TMEM178B: variants seen among roughly 807,000 people sequenced by gnomAD.
The protein encoded by TMEM178B is transmembrane protein 178B.
Under a neutral mutation model 31.0 loss-of-function variants are expected in TMEM178B, and 5 were observed. That is an observed-to-expected ratio of 0.16 (90% CI 0.08 to 0.34). The LOEUF (loss-of-function observed/expected upper bound fraction) is 0.34, where lower values mean the gene tolerates loss of function less well. Among genes scored for constraint, TMEM178B ranks in the 10% least tolerant of loss-of-function variants. TMEM178B has a pLI of 1.00. For missense variants in TMEM178B, 275 were observed against 400.3 expected (o/e 0.69, Z 2.67); for synonymous variants, 164 against 164.0 (o/e 1.00, Z 0.00).
chr7:141,498,621 T>A, the TMEM178B span, among the ~76,000 whole-genome samples: 1 of 152,230 alleles, frequency 6.6e-6, no homozygotes, highest in East Asian at 1.9e-4. Context: ...GTGGCTGTGT[T>A]TGATAGTTAA....
intron 3 of TMEM178B, among the ~76,000 whole-genome samples, chr7:141,441,474 G>T (rs191156760): frequency 1.3e-5 from 2 of 152,272 alleles, no homozygotes; most frequent in Admixed American, 1.3e-4. Flanking sequence ...TTTCACCCAG[G>T]CTCAGGTTGC....
chr7:141,363,144 T>C (rs1799945918), intron 2 of TMEM178B, among the ~76,000 whole-genome samples: 1 of 152,188 alleles, frequency 6.6e-6, no homozygotes, highest in Admixed American at 6.5e-5. Context: ...AGCTCATTAA[T>C]GCTTGGAAAA....
chr7:141,154,231 G>A (rs992036845), intron 1 of TMEM178B, among the ~76,000 whole-genome samples: 3 of 152,244 alleles, frequency 2.0e-5, no homozygotes, highest in African/African-American at 7.2e-5. Flanking sequence ...AGAATTTGAA[G>A]GCTTGGGCCA....
At chr7:141,290,552 C>T (rs1167289860) in intron 2 of TMEM178B, among the ~76,000 whole-genome samples, 1 of 152,116 alleles carries the variant, frequency 6.6e-6, no homozygotes, top group African/African-American at 2.4e-5. Context: ...CACACATACA[C>T]GTGCATGCAC....
At chr7:141,486,479 A>T in the TMEM178B span, among the ~76,000 whole-genome samples, 1 of 152,136 alleles carries the variant, frequency 6.6e-6, no homozygotes, top group Non-Finnish European at 1.5e-5. Context: ...TCTTTCATAT[A>T]CCTTCAGAGT....
chr7:141,436,884 G>A (rs1379724761), intron 2 of TMEM178B, among the ~76,000 whole-genome samples: 1 of 152,198 alleles, frequency 6.6e-6, no homozygotes, highest in Non-Finnish European at 1.5e-5. Flanking sequence ...GACTCAGAAA[G>A]CGGGGCTGAC....
chr7:141,311,413 C>A (rs1449972120), intron 2 of TMEM178B, among the ~76,000 whole-genome samples: 1 of 152,096 alleles, frequency 6.6e-6, no homozygotes, highest in Non-Finnish European at 1.5e-5. Flanking sequence ...TACATGAGTG[C>A]TTTTATACTG....
intron 1 of TMEM178B, among the ~76,000 whole-genome samples, chr7:141,200,132 C>T (rs976138990): frequency 6.6e-6 from 1 of 152,140 alleles, no homozygotes; most frequent in Non-Finnish European, 1.5e-5. Context: ...TCTCCCGCCT[C>T]GGCTTGCCAA....
chr7:141,507,971 A>G, the TMEM178B span, among the ~76,000 whole-genome samples: 1 of 152,230 alleles, frequency 6.6e-6, no homozygotes, highest in African/African-American at 2.4e-5. Context: ...GGGCATTAAC[A>G]TGATGCTCCT....
At position 141,171,017 on chromosome 7, in the gene TMEM178B, TACACACACACACACACACACACAC is replaced by T. The variant is rs57427295; in HGVS notation, c.383-41549_383-41526del. On this transcript the variant is annotated intron_variant, in intron 1 of 3. Transcript: ENST00000565468. The surrounding 1 kb of genome is among the most constrained non-coding windows in gnomAD (Gnocchi z 4.3). Reference sequence around the variant, plus strand: ...GTTCAGACTACACATCACACACACATACACACACACACACACACACACACACACACACACACACACACACACACC... The same window carrying T: ...GTTCAGACTACACATCACACACACATACACACACACACACACACACACACC... Among the ~76,000 whole-genome samples the T allele has an allele frequency of 3.4e-5, 5 of 146,050 alleles. No homozygotes were observed. The highest frequency in any genetic ancestry group is 5.1e-5 in the African/African-American group (2 of 39,544).
intron 2 of TMEM178B, among the ~76,000 whole-genome samples, chr7:141,262,280 G>A (rs1798024769): frequency 2.6e-5 from 4 of 152,044 alleles, no homozygotes; most frequent in Admixed American, 2.6e-4. Context: ...GAAAATCAGG[G>A]TTTGGTGCTC....
intron 3 of TMEM178B, among the ~76,000 whole-genome samples, chr7:141,454,268 G>A (rs1435425446): frequency 6.6e-6 from 1 of 152,070 alleles, no homozygotes; most frequent in Admixed American, 6.6e-5. Flanking sequence ...TCTCACCTCG[G>A]CATTCCATCT....
Position 141,461,995 on chromosome 7 carries a change from G to T in TMEM178B, c.635-8541G>T, listed in dbSNP as rs578133216. On this transcript the variant is annotated intron_variant, in intron 3 of 3. Coordinates refer to ENST00000565468, the MANE Select transcript of TMEM178B (RefSeq NM_001195278.2). The surrounding 1 kb of genome is among the most constrained non-coding windows in gnomAD (Gnocchi z 4.0). ...ACCTGGCACTTCTAACATTAGCGAC[G>T]CATTCCAGGGATCCAAGTTTCTGTT... 2.0e-5 allele frequency among the ~76,000 whole-genome samples: 3 copies of T among 152,160 alleles called. No homozygotes were observed. Among genetic ancestry groups the T allele is most frequent in the Non-Finnish European group, 4.4e-5 (3 of 68,036 alleles).
chr7:141,367,609 T>C (rs1018481636), intron 2 of TMEM178B, among the ~76,000 whole-genome samples: 1 of 152,172 alleles, frequency 6.6e-6, no homozygotes, highest in African/African-American at 2.4e-5. Context: ...GGCATGATGC[T>C]GGGTCCTGGG....
intron 2 of TMEM178B, among the ~76,000 whole-genome samples, chr7:141,411,628 C>T (rs1021875275): frequency 1.3e-5 from 2 of 152,188 alleles, no homozygotes; most frequent in Non-Finnish European, 2.9e-5. Context: ...CAAAAATCAT[C>T]GTGTTTGTTT....
intron 2 of TMEM178B, among the ~76,000 whole-genome samples, chr7:141,431,910 A>G (rs1181738): frequency 1 from 152,083 of 152,346 alleles, 75,911 homozygotes; most frequent in Middle Eastern, 1. Flanking sequence ...GGTTAACGAG[A>G]ATGGGCAGGA....
At chr7:141,109,890 A>ATGATTG (rs763485419) in intron 1 of TMEM178B, among the ~76,000 whole-genome samples, 86 of 152,024 alleles carry the variant, frequency 5.7e-4, no homozygotes, top group Admixed American at 8.5e-4. Flanking sequence ...GCAGTGAGCT[A>ATGATTG]TGATTGTGCC....
At chr7:141,192,549 G>A (rs2129185114) in intron 1 of TMEM178B, among the ~76,000 whole-genome samples, 1 of 151,914 alleles carries the variant, frequency 6.6e-6, no homozygotes, top group African/African-American at 2.4e-5. Context: ...AGTGCAGTGG[G>A]GCGATCTTGG....
intron 1 of TMEM178B, among the ~76,000 whole-genome samples, chr7:141,125,910 T>G (rs1795488326): frequency 6.6e-6 from 1 of 152,148 alleles, no homozygotes; most frequent in Non-Finnish European, 1.5e-5. Flanking sequence ...AAGCCCAGCT[T>G]TGGAATTTCT....
Sources: gnomAD v4.1 joint callset for allele counts (sites outside exome capture counted in the v4.1 genomes callset) on GRCh38, gnomAD v4.1.1 for gene constraint, Gnocchi (gnomAD v3.1) non-coding constraint, MANE v1.5 for transcripts, NCBI Gene and HGNC (gene_info 2026-07-23, HGNC 2026-07-21) for gene names.